Variants in GALNT17 observed in about 807,000 individuals in gnomAD.
GALNT17 encodes polypeptide N-acetylgalactosaminyltransferase 17.
Under a neutral mutation model 63.7 loss-of-function variants are expected in GALNT17, and 29 were observed. That is an observed-to-expected ratio of 0.46 (90% CI 0.34 to 0.62). The LOEUF (loss-of-function observed/expected upper bound fraction) is 0.62, where lower values mean the gene tolerates loss of function less well. Ranked by LOEUF, GALNT17 falls within the 20% of genes least tolerant of loss-of-function variation. The pLI is 0.01. For missense variants in GALNT17, 603 were observed against 799.6 expected (o/e 0.75, Z 2.97); for synonymous variants, 305 against 318.3 (o/e 0.96, Z 0.45).
rs182254091 is a variant in GALNT17 at position 71,291,715 on chromosome 7, T to C, written c.239-43835T>C. ...TCGTATCACTGGATCTATATACTAA[T>C]TTTCTGAGTTATTTTGATTATCTCT... On this transcript the variant is annotated intron_variant, in intron 1 of 10. Transcript: ENST00000333538. Among the ~76,000 whole-genome samples, 8 of 152,318 alleles carry C rather than the reference T, an allele frequency of 5.3e-5. No individual in the cohort carries two copies. In the East Asian group the frequency reaches 1.5e-3, roughly 29 times the overall value.
intron 1 of GALNT17, among the ~76,000 whole-genome samples, chr7:71,163,708 G>A (rs983501961): frequency 6.6e-6 from 1 of 152,174 alleles, no homozygotes; most frequent in East Asian, 1.9e-4. Context: ...AGGAGGAAAT[G>A]ACTTCTTTCA....
intron 5 of GALNT17, among the ~76,000 whole-genome samples, chr7:71,509,922 CA>C (rs1563145047): frequency 1.3e-5 from 2 of 148,548 alleles, no homozygotes; most frequent in African/African-American, 2.5e-5. Flanking sequence ...ATGTACATGA[CA>C]TGCAATTCTC....
chr7:71,310,724 C>G (rs115652349), intron 1 of GALNT17, among the ~76,000 whole-genome samples: 237 of 152,346 alleles, frequency 1.6e-3, no homozygotes, highest in African/African-American at 5.3e-3. Context: ...CTTCCAGAAT[C>G]TTTTCAGAAG....
At chr7:71,547,950 G>A (rs1398577356) in intron 5 of GALNT17, among the ~76,000 whole-genome samples, 9 of 152,090 alleles carry the variant, frequency 5.9e-5, no homozygotes, top group Admixed American at 5.9e-4. Flanking sequence ...TAGAGGAGTT[G>A]GGTGCGGTGG....
chr7:71,271,408 C>A (rs1477418467), intron 1 of GALNT17, among the ~76,000 whole-genome samples: 1 of 152,146 alleles, frequency 6.6e-6, no homozygotes, highest in Non-Finnish European at 1.5e-5. Flanking sequence ...TGACCAGTGG[C>A]CACGTGGCTC....
At chr7:71,233,701 TG>T (rs1789835583) in intron 1 of GALNT17, among the ~76,000 whole-genome samples, 1 of 151,580 alleles carries the variant, frequency 6.6e-6, no homozygotes, top group African/African-American at 2.4e-5. Flanking sequence ...GCCTTGCCTT[TG>T]GGGCTCTCAT....
intron 5 of GALNT17, among the ~76,000 whole-genome samples, chr7:71,559,978 G>A (rs906812901): frequency 2.6e-5 from 4 of 151,486 alleles, no homozygotes; most frequent in Non-Finnish European, 4.4e-5. Flanking sequence ...GGCAAATCGC[G>A]AGGTCAGGAG....
At chr7:71,146,254 G>T (rs933486252) in intron 1 of GALNT17, among the ~76,000 whole-genome samples, 7 of 152,090 alleles carry the variant, frequency 4.6e-5, no homozygotes, top group Admixed American at 2.0e-4. Context: ...ACTTCTTACT[G>T]GGATTGTCAC....
At chr7:71,427,377 T>C (rs1786779201) in intron 5 of GALNT17, among the ~76,000 whole-genome samples, 1 of 152,034 alleles carries the variant, frequency 6.6e-6, no homozygotes, top group African/African-American at 2.4e-5. Flanking sequence ...ATTACAGGTG[T>C]GAGCCACCAC....
chr7:71,314,015 G>A (rs894450586), intron 1 of GALNT17, among the ~76,000 whole-genome samples: 3 of 152,106 alleles, frequency 2.0e-5, no homozygotes, highest in Non-Finnish European at 4.4e-5. Context: ...CTTCCTAATG[G>A]ATTTTGAAAA....
At chr7:71,182,261 C>G (rs188734656) in intron 1 of GALNT17, among the ~76,000 whole-genome samples, 1 of 152,196 alleles carries the variant, frequency 6.6e-6, no homozygotes, top group African/African-American at 2.4e-5. Flanking sequence ...GAGGTGGAGA[C>G]GTGAGACATC....
At chr7:71,162,170 T>TTTCTTC (rs1788361695) in intron 1 of GALNT17, among the ~76,000 whole-genome samples, 1 of 145,780 alleles carries the variant, frequency 6.9e-6, no homozygotes, top group African/African-American at 2.5e-5. Flanking sequence ...CCTTCCTTCC[T>TTTCTTC]GTTGCTATGC....
intron 6 of GALNT17, among the ~76,000 whole-genome samples, chr7:71,601,762 G>A (rs149782692): frequency 6.6e-6 from 1 of 152,058 alleles, no homozygotes; most frequent in Non-Finnish European, 1.5e-5. Flanking sequence ...TCCAGCGTGG[G>A]CATCAGAGCA....
intron 2 of GALNT17, among the ~76,000 whole-genome samples, chr7:71,361,904 G>C (rs1313084493): frequency 2.0e-5 from 3 of 152,078 alleles, no homozygotes; most frequent in African/African-American, 7.2e-5. Context: ...GGCTGGGCTA[G>C]GTGCTGTTCA....
intron 9 of GALNT17, among the ~76,000 whole-genome samples, chr7:71,681,711 A>T (rs908614647): frequency 1.1e-4 from 17 of 152,320 alleles, no homozygotes; most frequent in African/African-American, 4.1e-4. Flanking sequence ...TCACATTTGA[A>T]TGGCGCACTT....
intron 3 of GALNT17, among the ~76,000 whole-genome samples, chr7:71,411,356 G>A (rs1793426981): frequency 6.6e-6 from 1 of 152,068 alleles, no homozygotes; most frequent in Non-Finnish European, 1.5e-5. Context: ...CTGAGCTCAA[G>A]TGATCTGCTT....
intron 9 of GALNT17, among the ~76,000 whole-genome samples, chr7:71,685,987 C>T (rs1405808039): frequency 9.1e-6 from 1 of 109,472 alleles, no homozygotes; most frequent in Non-Finnish European, 1.7e-5. Context: ...CAGAGTCTCA[C>T]TCTGTCACCC....
At chr7:71,522,355 C>T (rs140559702) in intron 5 of GALNT17, among the ~76,000 whole-genome samples, 53 of 152,180 alleles carry the variant, frequency 3.5e-4, no homozygotes, top group African/African-American at 9.4e-4. Flanking sequence ...AAAGACATAC[C>T]GAAGACTGGA....
chr7:71,503,363 C>T (rs1311503015), intron 5 of GALNT17, among the ~76,000 whole-genome samples: 1 of 152,138 alleles, frequency 6.6e-6, no homozygotes, highest in African/African-American at 2.4e-5. Flanking sequence ...GCCTCAGCCT[C>T]CCGAGTAGCT....
Sources: gnomAD v4.1 joint callset for allele counts (sites outside exome capture counted in the v4.1 genomes callset) on GRCh38, gnomAD v4.1.1 for gene constraint, MANE v1.5 for transcripts, NCBI Gene and HGNC (gene_info 2026-07-23, HGNC 2026-07-21) for gene names.